DNAI7: variants seen among roughly 807,000 people sequenced by gnomAD.
DNAI7 encodes cancer susceptibility 1.
Under a neutral mutation model 86.6 loss-of-function variants are expected in DNAI7, and 78 were observed. The observed-to-expected ratio is 0.90, with a 90% CI of 0.75 to 1.09. The LOEUF is 1.09. Ranked by LOEUF, DNAI7 falls within the 50% of genes least tolerant of loss-of-function variation. DNAI7 has a pLI of 0.00. For synonymous variants in DNAI7, 274 were observed against 273.0 expected (o/e 1.00, Z -0.04); for missense variants, 753 against 810.2 (o/e 0.93, Z 0.86).
chr12:25,158,900 C>T (rs1467037070), intron 3 of DNAI7, among the ~76,000 whole-genome samples: 1 of 152,222 alleles, frequency 6.6e-6, no homozygotes, highest in African/African-American at 2.4e-5. Context: ...GATACCATCT[C>T]ACACCAGTTA....
chr12:25,186,170 T>A (rs996888036), intron 2 of DNAI7, among the ~76,000 whole-genome samples: 2 of 152,182 alleles, frequency 1.3e-5, no homozygotes, highest in African/African-American at 4.8e-5. Flanking sequence ...AATATAAATG[T>A]AGTGATGGGT....
chr12:25,136,759 G>T (rs1034019713), intron 9 of DNAI7, among the ~76,000 whole-genome samples: 1 of 152,044 alleles, frequency 6.6e-6, no homozygotes, highest in Non-Finnish European at 1.5e-5. Context: ...TTAGAGAAAT[G>T]CAAAATACAC....
rs967624218 is a variant in DNAI7 at position 25,108,465 on chromosome 12, C to G, written c.*83G>C. 1 of 1,115,992 alleles carries G rather than the reference C, an allele frequency of 9.0e-7. No individual in the cohort carries two copies. The highest frequency in any genetic ancestry group is 1.8e-5 in the South Asian group (1 of 54,908). 69.1% of individuals were successfully genotyped at this position (1,115,992 alleles called of 1,614,324 possible). On this transcript the variant is annotated 3_prime_UTR_variant, in exon 16 of 16. Transcript: ENST00000395987. The stretch of plus-strand genomic sequence containing the variant: ...ATAGTTGATTTGAAATGTATTCATT[C>G]ACTCATTACATTGTGTTGCAGAAAT...
chr12:25,169,846 T>TAAA (rs1565795860), intron 2 of DNAI7, among the ~76,000 whole-genome samples: 28 of 98,354 alleles, frequency 2.8e-4, no homozygotes, highest in Middle Eastern at 7.8e-3. Flanking sequence ...AGACTCTGTC[T>TAAA]CAAAAAAAAA....
intron 9 of DNAI7, among the ~76,000 whole-genome samples, chr12:25,134,821 T>C (rs1233875027): frequency 6.6e-6 from 1 of 152,216 alleles, no homozygotes; most frequent in East Asian, 1.9e-4. Flanking sequence ...AGCTCGGTAC[T>C]TTCAGGCCCA....
chr12:25,117,728 G>T (rs545651319), intron 12 of DNAI7, among the ~76,000 whole-genome samples: 1 of 151,978 alleles, frequency 6.6e-6, no homozygotes, highest in Non-Finnish European at 1.5e-5. Flanking sequence ...AAATAAAAAG[G>T]TATAAAAAGG....
At chr12:25,143,019 A>T (rs894960669) in intron 9 of DNAI7, among the ~76,000 whole-genome samples, 1 of 149,848 alleles carries the variant, frequency 6.7e-6, no homozygotes, top group Admixed American at 6.7e-5. Context: ...TTTATTTTAA[A>T]AACTATCTTA....
intron 2 of DNAI7, among the ~76,000 whole-genome samples, chr12:25,172,201 T>C (rs992085451): frequency 1.3e-5 from 2 of 151,806 alleles, no homozygotes; most frequent in African/African-American, 2.4e-5. Context: ...ATATGATAGT[T>C]TACCCTGAAA....
intron 13 of DNAI7, among the ~76,000 whole-genome samples, 196 bp from the exon 14 acceptor site, chr12:25,112,135 T>G (rs1242306974): frequency 6.6e-6 from 1 of 152,170 alleles, no homozygotes; most frequent in Non-Finnish European, 1.5e-5. Context: ...TGTTAAGCAG[T>G]TTACTAACTC....
At position 25,161,098 on chromosome 12, in the gene DNAI7, C is replaced by G. The variant is rs1946793081; in HGVS notation, c.106+15G>C. 1 of 1,593,346 alleles carries G rather than the reference C, an allele frequency of 6.3e-7. No homozygotes were observed. Among genetic ancestry groups the G allele is most frequent in the South Asian group, 1.1e-5 (1 of 90,670 alleles). On this transcript the variant is annotated intron_variant, in intron 3 of 15. Coordinates refer to ENST00000395987, the MANE Select transcript of DNAI7 (RefSeq NM_018272.5). ...TTACCTGTATAGGTAAATAGTATCA[C>G]TATTTATTTTGTACCTTCCTCTTTC...
At chr12:25,180,461 A>G (rs1443950218) in intron 2 of DNAI7, among the ~76,000 whole-genome samples, 1 of 152,202 alleles carries the variant, frequency 6.6e-6, no homozygotes, top group Non-Finnish European at 1.5e-5. Context: ...ATGAAACCAA[A>G]AAAGAGCCCA....
At chr12:25,123,385 T>G (rs997540009) in intron 9 of DNAI7, 99 bp from the exon 10 acceptor site, 17 of 674,828 alleles carry the variant, frequency 2.5e-5, no homozygotes, top group Non-Finnish European at 3.7e-5. Context: ...CCTGCTACCT[T>G]AATTCTAGGC....
At chr12:25,167,190 C>T (rs1443582966) in intron 2 of DNAI7, among the ~76,000 whole-genome samples, 1 of 152,180 alleles carries the variant, frequency 6.6e-6, no homozygotes. Flanking sequence ...GTACAAGCCA[C>T]CAGCCCACCT....
chr12:25,135,828 C>T (rs1339357895), intron 9 of DNAI7, among the ~76,000 whole-genome samples: 2 of 151,764 alleles, frequency 1.3e-5, no homozygotes, highest in Non-Finnish European at 2.9e-5. Context: ...ATACCCCCAT[C>T]CCCTAGAGCA....
In DNAI7 at chr12:25,108,389, A is replaced by T; in HGVS notation, c.*159T>A. On this transcript the variant is annotated 3_prime_UTR_variant, in exon 16 of 16. Transcript: ENST00000395987. ...CCAAGTATTCAAAGGAAAAAAAAAT[A>T]CTGTTTTTAAAATAAAACTTGAGTA... 1.5e-6 allele frequency: 1 copy of T among 652,402 alleles called. No individual in the cohort carries two copies. 40.4% of individuals were successfully genotyped at this position (652,402 alleles called of 1,614,324 possible). A position where few individuals can be genotyped will look rare whatever the true frequency, so the allele number is the denominator to read the frequency against.
chr12:25,152,329 G>T (rs2140941552), intron 6 of DNAI7, among the ~76,000 whole-genome samples: 1 of 152,304 alleles, frequency 6.6e-6, no homozygotes, highest in Admixed American at 6.5e-5. Flanking sequence ...ATGGGGAGAG[G>T]GGATGAAGAT....
At chr12:25,177,439 ATTTACTTC>A (rs1949080285) in intron 2 of DNAI7, among the ~76,000 whole-genome samples, 1 of 152,108 alleles carries the variant, frequency 6.6e-6, no homozygotes, top group Non-Finnish European at 1.5e-5. Flanking sequence ...CTCATTTGTG[ATTTACTTC>A]TTTAGATATA....
chr12:25,112,398 G>GT (rs1939037709), intron 13 of DNAI7, among the ~76,000 whole-genome samples: 31 of 82,666 alleles, frequency 3.8e-4, no homozygotes, highest in African/African-American at 1.1e-3. Flanking sequence ...ATTCACATCT[G>GT]GTTTTTTTTT....
At chr12:25,148,067 ATTATAT>A (rs1397852378) in intron 7 of DNAI7, among the ~76,000 whole-genome samples, 1 of 151,996 alleles carries the variant, frequency 6.6e-6, no homozygotes, top group Non-Finnish European at 1.5e-5. Flanking sequence ...AATGTTGAAG[ATTATAT>A]TTATTATTAA....
Sources: allele counts gnomAD v4.1 joint callset (sites outside exome capture counted in the v4.1 genomes callset), GRCh38; gene constraint gnomAD v4.1.1; transcripts MANE v1.5; gene names NCBI Gene and HGNC (gene_info 2026-07-23, HGNC 2026-07-21).